Variants in HUWE1 observed in about 807,000 individuals in gnomAD.
HUWE1 encodes the protein E3 ubiquitin-protein ligase HUWE1.
A neutral mutation model predicts 299.4 loss-of-function variants in HUWE1; 18 were observed. That is an observed-to-expected ratio of 0.06 (90% CI 0.04 to 0.09). The LOEUF (loss-of-function observed/expected upper bound fraction) is 0.09. Ranked by LOEUF, HUWE1 falls within the 10% of genes least tolerant of loss-of-function variation. The probability of loss-of-function intolerance (pLI) is 1.00; values close to 1 mark genes in which losing one functional copy is unlikely to be tolerated. For synonymous variants in HUWE1, 1,317 were observed against 1,286.1 expected (o/e 1.02, Z -0.51); for missense variants, 1,832 against 3,462.3 (o/e 0.53, Z 11.82).
chrX:53,648,415 G>C (rs1041001873), intron 4 of HUWE1, 105 bp from the exon 5 acceptor site: 7 of 508,616 alleles, frequency 1.4e-5, no homozygotes, highest in Non-Finnish European at 2.4e-5. Flanking sequence ...TTTTCCTTTT[G>C]CTAGGATTTA....
At chrX:53,637,614 A>G (rs912459227) in intron 7 of HUWE1, among the ~76,000 whole-genome samples, 3 of 112,802 alleles carry the variant, frequency 2.7e-5, no homozygotes, top group Admixed American at 1.9e-4. Flanking sequence ...TTGATAAAAA[A>G]CAAGCACCTT....
chrX:53,643,145 G>A (rs972173387), intron 7 of HUWE1, among the ~76,000 whole-genome samples: 2 of 111,910 alleles, frequency 1.8e-5, no homozygotes, highest in Admixed American at 1.9e-4. Flanking sequence ...TGTGTTTTTT[G>A]TTGGGAAGTA....
At chrX:53,549,723 T>C (rs1222186780) in intron 66 of HUWE1, among the ~76,000 whole-genome samples, 1 of 110,245 alleles carries the variant, frequency 9.1e-6, no homozygotes, top group African/African-American at 3.3e-5. Flanking sequence ...TCAGGGCTGC[T>C]GTACAGCTTA....
In HUWE1 at chrX:53,583,865, T is replaced by C. The variant is rs2063737746; in HGVS notation, c.5213A>G (p.Glu1738Gly). ...STNTEKETSL[E>G]ETKIGEILIQ... ...CAGGATCTCCCCGATTTTTGTTTCC[T>C]CCAGGCTTGTCTCCTTTTCAGTGTT... Residue 1738 changes from glutamate (E) to glycine (G), a missense_variant, in exon 42 of 84, where the codon GAG becomes GGG. Coordinates refer to ENST00000262854, the MANE Select transcript of HUWE1 (RefSeq NM_031407.7). 8.3e-7 allele frequency: 1 copy of C among 1,206,817 alleles called. No homozygotes were observed. Among genetic ancestry groups the C allele is most frequent in the African/African-American group, 1.8e-5 (1 of 56,887 alleles).
Position 53,547,817 on chromosome X carries a change from C to T in HUWE1, c.10492G>A (p.Ala3498Thr), listed in dbSNP as rs782773400. 1.5e-5 allele frequency: 18 copies of T among 1,194,559 alleles called. No individual in the cohort carries two copies. Among genetic ancestry groups the T allele is most frequent in the South Asian group, 5.5e-5 (3 of 54,988 alleles). Residue 3498 changes from alanine to threonine, a missense_variant, in exon 68 of 84, where the codon GCC becomes ACC. Around this residue, in one of 15 missense-constraint regions of HUWE1, gnomAD observed 119 missense variants for 124.6 expected, o/e 0.96. Transcript: ENST00000262854. ...GTAGGGGGTGTGGGCGTGGTGGAGG[C>T]GGCAGTGGTGGTGGTGGTAGATGTG... ...STTSTTTTTAASTTPTPPTAP... is the reference protein window; with the variant it reads ...STTSTTTTTATSTTPTPPTAP...
chrX:53,572,308 A>G (rs782047426), intron 47 of HUWE1, among the ~76,000 whole-genome samples: 15 of 112,027 alleles, frequency 1.3e-4, no homozygotes, highest in African/African-American at 4.9e-4. Flanking sequence ...GAGATGCACT[A>G]AAGAACAAGG....
At chrX:53,594,729 C>G in intron 30 of HUWE1, 108 bp from the exon 31 acceptor site, 1 of 758,800 alleles carries the variant, frequency 1.3e-6, no homozygotes, top group East Asian at 3.4e-5. Flanking sequence ...TGAAGTGACA[C>G]CTCCCACCTA....
intron 29 of HUWE1, among the ~76,000 whole-genome samples, chrX:53,597,685 A>T (rs1054596399): frequency 4.4e-4 from 38 of 85,776 alleles, no homozygotes; most frequent in Non-Finnish European, 8.2e-4. Flanking sequence ...CCAGAGCCCC[A>T]TGAATTCAAC....
rs2065278642 is a variant in HUWE1 at position 53,608,705 on chromosome X, C to CA, written c.2319+146dup. The stretch of plus-strand genomic sequence containing the variant: ...TAATTTCTGGCAAACCAGTCTAGAA[C>CA]AAAAACAAAAGGGTGGCACATCTTT... On this transcript the variant is annotated intron_variant, in intron 24 of 83. Transcript: ENST00000262854. 3 of 514,770 alleles carry CA rather than the reference C, an allele frequency of 5.8e-6. No homozygotes were observed. The Admixed American group carries it at 8.0e-5, about 14-fold the overall frequency. 42.4% of individuals were successfully genotyped at this position (514,770 alleles called of 1,213,427 possible). A position where few individuals can be genotyped will look rare whatever the true frequency, so the allele number is the denominator to read the frequency against.
At chrX:53,576,829 T>C in intron 44 of HUWE1, 71 bp downstream of exon 44, 1 of 1,089,669 alleles carries the variant, frequency 9.2e-7, no homozygotes, top group East Asian at 3.0e-5. Flanking sequence ...AGCCATGAGT[T>C]GGCTGAAATG....
intron 7 of HUWE1, among the ~76,000 whole-genome samples, chrX:53,643,935 T>TA (rs2067791640): frequency 9.0e-6 from 1 of 111,190 alleles, no homozygotes; most frequent in Non-Finnish European, 1.9e-5. Context: ...GTGATCCTCT[T>TA]ACCTCAGCCT....
At chrX:53,554,516 T>C (rs1390286846) in intron 61 of HUWE1, 117 bp downstream of exon 61, 4 of 736,031 alleles carry the variant, frequency 5.4e-6, no homozygotes, top group Non-Finnish European at 8.3e-6. Context: ...CGAGATCTTA[T>C]TATTTGAGAA....
chrX:53,686,060 G>A (rs1246612088), intron 2 of HUWE1, among the ~76,000 whole-genome samples: 1 of 112,544 alleles, frequency 8.9e-6, no homozygotes, highest in Admixed American at 9.3e-5. Flanking sequence ...TAAACAAGCA[G>A]TTAGTCGAAA....
At chrX:53,651,895 T>C (rs1398493813) in intron 4 of HUWE1, among the ~76,000 whole-genome samples, 1 of 111,656 alleles carries the variant, frequency 9.0e-6, no homozygotes, top group Admixed American at 9.6e-5. Context: ...GCACTATTTG[T>C]CCCTCTGCGG....
Position 53,616,562 on chromosome X carries a change from A to G in HUWE1, c.1957+408T>C, listed in dbSNP as rs369359331. ...TCTGGAGCCCTACCTTTTTGCTAAT[A>G]ATCTCTCAATTATCTGGTCTCAAGT... On this transcript the variant is annotated intron_variant, in intron 21 of 83. Transcript: ENST00000262854. Among the ~76,000 whole-genome samples the G allele has an allele frequency of 1.4e-4, 16 of 111,487 alleles. No individual in the cohort carries two copies. In the East Asian group the frequency reaches 4.2e-3, roughly 30 times the overall value.
At chrX:53,647,295 T>C in intron 6 of HUWE1, 73 bp downstream of exon 6, 1 of 726,992 alleles carries the variant, frequency 1.4e-6, no homozygotes, top group Non-Finnish European at 2.2e-6. Flanking sequence ...GCAATAGAAA[T>C]AGCAATTTCC....
chrX:53,635,766 C>T (rs2067170857), intron 7 of HUWE1, among the ~76,000 whole-genome samples: 1 of 112,044 alleles, frequency 8.9e-6, no homozygotes, highest in Admixed American at 9.5e-5. Flanking sequence ...CTCTCTACAT[C>T]TAAGTGTTTC....
Position 53,651,969 on chromosome X carries a change from C to T in HUWE1, c.45+2094G>A, listed in dbSNP as rs190127671. Among the ~76,000 whole-genome samples, 3 of 111,878 alleles carry T rather than the reference C, an allele frequency of 2.7e-5. No homozygotes were observed. In the Admixed American group the frequency reaches 2.9e-4, roughly 11 times the overall value. On this transcript the variant is annotated intron_variant, in intron 4 of 83. Coordinates refer to ENST00000262854, the MANE Select transcript of HUWE1 (RefSeq NM_031407.7). ...AATTTCCAAAATATATAAGGAACTC[C>T]TGCAACTCAATAGCAAAAAAATCCC...
intron 7 of HUWE1, among the ~76,000 whole-genome samples, chrX:53,641,938 C>T (rs1403735519): frequency 9.0e-6 from 1 of 111,019 alleles, no homozygotes; most frequent in African/African-American, 3.3e-5. Context: ...TTTCCCTTAT[C>T]CATAGGGATA....
Sources: gnomAD v4.1 joint callset for allele counts (sites outside exome capture counted in the v4.1 genomes callset) on GRCh38, gnomAD v4.1.1 for gene constraint, gnomAD v4.1.1 regional missense constraint, MANE v1.5 for transcripts, NCBI Gene and HGNC (gene_info 2026-07-23, HGNC 2026-07-21) for gene names.